The following GLG1 variants were observed in gnomAD, a reference collection of about 807,000 sequenced individuals.
GLG1 encodes Golgi apparatus protein 1.
A neutral mutation model predicts 160.5 loss-of-function variants in GLG1; 38 were observed. The ratio of observed to expected loss-of-function variants is 0.24; its 90% CI spans 0.18 to 0.31. The LOEUF (loss-of-function observed/expected upper bound fraction) is 0.31. GLG1 is among the 10% of genes least tolerant of loss of function. The pLI is 1.00. For synonymous variants in GLG1, 644 were observed against 543.4 expected (o/e 1.19, Z -2.57); for missense variants, 1,373 against 1,505.2 (o/e 0.91, Z 1.45).
At chr16:74,466,856 A>G (rs1597229853) in intron 18 of GLG1, among the ~76,000 whole-genome samples, 1 of 152,218 alleles carries the variant, frequency 6.6e-6, no homozygotes, top group East Asian at 1.9e-4. Context: ...AATGAAAAGT[A>G]CCAAAGAAAA....
At chr16:74,468,055 G>A (rs2143222749) in intron 17 of GLG1, 1 of 498,922 alleles carries the variant, frequency 2.0e-6, no homozygotes, top group East Asian at 3.3e-5. Context: ...AAAACACAAT[G>A]CCAAGTCTAC....
At chr16:74,527,133 A>G (rs1302272140) in intron 2 of GLG1, among the ~76,000 whole-genome samples, 3 of 152,112 alleles carry the variant, frequency 2.0e-5, no homozygotes, top group Non-Finnish European at 4.4e-5. Context: ...AATATTCCAA[A>G]GTAAAATTAT....
chr16:74,551,886 A>G (rs1462008135), intron 1 of GLG1, among the ~76,000 whole-genome samples: 1 of 151,416 alleles, frequency 6.6e-6, no homozygotes, highest in Admixed American at 6.6e-5. Context: ...TAGATACAAC[A>G]GAAGGTAGTC....
chr16:74,457,891 G>T lies in GLG1; in HGVS notation c.3248C>A (p.Thr1083Asn), dbSNP rs895046408. The change falls in exon 24 of 26, where the codon ACC becomes AAC. Residue 1083 changes from threonine to asparagine, a missense_variant. By Grantham distance (65) the Thr-to-Asn change is moderately conservative. Around this residue, in one of 4 missense-constraint regions of GLG1, gnomAD observed 491 missense variants for 632.1 expected, o/e 0.78. Transcript: ENST00000422840. ...AGACTTACGACGCCCGCGGCCAGGG[G>T]TGATGGCTGCGCAGTGGTGTTTAAT... ...LDIKHHCAAITPGRGRQMSCL... is the reference protein window; with the variant it reads ...LDIKHHCAAINPGRGRQMSCL... The T allele has an allele frequency of 2.5e-6, 4 of 1,613,820 alleles. No homozygotes were observed. Among genetic ancestry groups the T allele is most frequent in the Non-Finnish European group, 2.5e-6 (3 of 1,179,862 alleles).
chr16:74,570,647 A>C (rs750011293), intron 1 of GLG1, among the ~76,000 whole-genome samples: 3 of 152,148 alleles, frequency 2.0e-5, no homozygotes, highest in Non-Finnish European at 4.4e-5. Context: ...TGTAATCACA[A>C]CACTTTGGGA....
Position 74,607,088 on chromosome 16 carries a change from C to G in GLG1, c.7G>C (p.Ala3Pro), listed in dbSNP as rs1015474542. 1.9e-6 allele frequency: 3 copies of G among 1,544,542 alleles called. No homozygotes were observed. The highest frequency in any genetic ancestry group is 1.7e-4 in the Middle Eastern group (1 of 5,930). The stretch of plus-strand genomic sequence containing the variant: ...AACATCCTCCGTACACGTCCACACG[C>G]CGCCATCTTGAGTCCGCGGCGAGCT... MA[A>P]CGRVRRMFRL... The change falls in exon 1 of 26, where the codon GCG (alanine) becomes CCG (proline). Residue 3 changes from alanine to proline, a missense_variant. Around this residue, in one of 4 missense-constraint regions of GLG1, gnomAD observed 322 missense variants for 254.6 expected, o/e 1.26. Transcript: ENST00000422840.
At chr16:74,588,961 G>A (rs1958113117) in intron 1 of GLG1, among the ~76,000 whole-genome samples, 3 of 151,606 alleles carry the variant, frequency 2.0e-5, no homozygotes, top group African/African-American at 7.3e-5. Context: ...TTGGTGAGTG[G>A]CCGGGCATGG....
At chr16:74,479,174 A>G (rs2015508020) in intron 11 of GLG1, among the ~76,000 whole-genome samples, 1 of 148,186 alleles carries the variant, frequency 6.7e-6, no homozygotes, top group Non-Finnish European at 1.5e-5. Context: ...CAGTGAGCCA[A>G]GATCACACCA....
At position 74,529,812 on chromosome 16, in the gene GLG1, C is replaced by CT. The variant is rs1178684020; in HGVS notation, c.471+2308dup. 5.0e-3 allele frequency among the ~76,000 whole-genome samples: 576 copies of CT among 115,704 alleles called. 18 individuals are homozygous for CT. The highest frequency in any genetic ancestry group is 0.012 in the African/African-American group (359 of 30,714). The allele number at this position is 115,704 out of a possible 152,430, so 75.9% of individuals were successfully genotyped here. ...CCTATTCCTTGGCTCTTTGAGAGTT[C>CT]TTTTTTTTTTTTTTTTTTTTTTGTG... On this transcript the variant is annotated intron_variant, in intron 2 of 25. Transcript: ENST00000422840.
intron 1 of GLG1, among the ~76,000 whole-genome samples, chr16:74,559,260 C>G (rs1436186929): frequency 7.3e-5 from 11 of 151,628 alleles, no homozygotes. Context: ...TTTTACCCAT[C>G]TTTAGGCTTC....
intron 4 of GLG1, among the ~76,000 whole-genome samples, chr16:74,501,565 G>A (rs866896564): frequency 2.2e-4 from 34 of 152,326 alleles, no homozygotes; most frequent in African/African-American, 7.7e-4. Context: ...AGAGCTAGAA[G>A]GAGGCTAATC....
intron 4 of GLG1, among the ~76,000 whole-genome samples, chr16:74,501,691 G>A (rs905532678): frequency 6.6e-6 from 1 of 152,190 alleles, no homozygotes; most frequent in Non-Finnish European, 1.5e-5. Flanking sequence ...TCTGATTCCT[G>A]AAAAGTATGT....
At chr16:74,530,780 G>A (rs1165649935) in intron 2 of GLG1, among the ~76,000 whole-genome samples, 2 of 152,030 alleles carry the variant, frequency 1.3e-5, no homozygotes, top group East Asian at 1.9e-4. Flanking sequence ...GGGAGTACAG[G>A]TGCGAACCCA....
intron 23 of GLG1, 147 bp downstream of exon 23, chr16:74,459,535 G>T: frequency 6.3e-6 from 4 of 635,548 alleles, no homozygotes; most frequent in Non-Finnish European, 8.4e-6. Flanking sequence ...TGAAAGTTTG[G>T]TAAGAAGGAA....
At chr16:74,508,469 G>T (rs1205138171) in intron 3 of GLG1, among the ~76,000 whole-genome samples, 1 of 152,008 alleles carries the variant, frequency 6.6e-6, no homozygotes, top group Non-Finnish European at 1.5e-5. Flanking sequence ...ACCTCTGTGG[G>T]TCAATTGATC....
At chr16:74,455,189 C>T (rs2014486983) in intron 25 of GLG1, among the ~76,000 whole-genome samples, 1 of 152,186 alleles carries the variant, frequency 6.6e-6, no homozygotes, top group African/African-American at 2.4e-5. Context: ...TGGTAGCCTG[C>T]TATGGCAGAA....
At chr16:74,568,122 G>C (rs1355601512) in intron 1 of GLG1, among the ~76,000 whole-genome samples, 1 of 152,122 alleles carries the variant, frequency 6.6e-6, no homozygotes, top group African/African-American at 2.4e-5. Context: ...AGCTACTTTG[G>C]CCACCTTGCC....
In GLG1 at chr16:74,507,402, G is replaced by A. The variant is rs189055262; in HGVS notation, c.558+1437C>T. On this transcript the variant is annotated intron_variant, in intron 3 of 25. Transcript: ENST00000422840. ...AAAATGGGGCAAAACAAACATATGCGGGTATATATATATGTATCTCTCCAA... is the reference window on the plus strand; with the variant it reads ...AAAATGGGGCAAAACAAACATATGCAGGTATATATATATGTATCTCTCCAA... Among the ~76,000 whole-genome samples the A allele has an allele frequency of 1.5e-4, 23 of 152,146 alleles. No homozygotes were observed. In the East Asian group the frequency reaches 2.9e-3, roughly 19 times the overall value.
rs1038489875 is a variant in GLG1 at position 74,599,547 on chromosome 16, C to T, written c.438+7110G>A. On this transcript the variant is annotated intron_variant, in intron 1 of 25. Coordinates refer to ENST00000422840, the MANE Select transcript of GLG1 (RefSeq NM_001145667.2). ...CAGCCTGGCCAACATGGTGAAAACCCGTCTCTACTAAAAATACAAAAATTA... is the reference window on the plus strand; with the variant it reads ...CAGCCTGGCCAACATGGTGAAAACCTGTCTCTACTAAAAATACAAAAATTA... Among the ~76,000 whole-genome samples, 11 of 152,148 alleles carry T rather than the reference C, an allele frequency of 7.2e-5. No homozygotes were observed. In the East Asian group the frequency reaches 1.7e-3, roughly 24 times the overall value.
Sources: gnomAD v4.1 joint callset for allele counts (sites outside exome capture counted in the v4.1 genomes callset) on GRCh38, gnomAD v4.1.1 for gene constraint, gnomAD v4.1.1 regional missense constraint, MANE v1.5 for transcripts, NCBI Gene and HGNC (gene_info 2026-07-23, HGNC 2026-07-21) for gene names.